The following FLACC1 variants were observed in gnomAD, a reference collection of about 807,000 sequenced individuals.
The protein encoded by FLACC1 is flagellum-associated coiled-coil domain-containing protein 1.
In FLACC1, 66 loss-of-function variants were observed where a neutral mutation model predicts 62.8. The observed-to-expected ratio is 1.05, with a 90% confidence interval of 0.86 to 1.29. The LOEUF is 1.29. FLACC1 is among the 50% of genes most tolerant of loss of function. The pLI is 0.00. For missense variants in FLACC1, 452 were observed against 489.1 expected (o/e 0.92, Z 0.71); for synonymous variants, 156 against 161.0 (o/e 0.97, Z 0.24).
chr2:201,315,609 G>A (rs1020190273), intron 9 of FLACC1, among the ~76,000 whole-genome samples: 11 of 151,874 alleles, frequency 7.2e-5, no homozygotes, highest in African/African-American at 1.7e-4. Context: ...TGATAGTGGC[G>A]GACTTCATTA....
chr2:201,335,519 A>C (rs570451002), intron 7 of FLACC1, among the ~76,000 whole-genome samples: 7 of 152,206 alleles, frequency 4.6e-5, no homozygotes, highest in Non-Finnish European at 7.4e-5. Context: ...ATAGGCCTCT[A>C]TTCTGTTCCA....
chr2:201,323,675 T>C (rs1375882861), intron 9 of FLACC1, among the ~76,000 whole-genome samples: 1 of 150,372 alleles, frequency 6.7e-6, no homozygotes, highest in Non-Finnish European at 1.5e-5. Flanking sequence ...TAATCTCAGC[T>C]ACTTGGGAGG....
At chr2:201,327,879 T>G (rs1206952295) in intron 9 of FLACC1, among the ~76,000 whole-genome samples, 1 of 152,168 alleles carries the variant, frequency 6.6e-6, no homozygotes, top group Admixed American at 6.5e-5. Context: ...AGCAGCACAA[T>G]TCACAGTTGC....
chr2:201,329,284 C>G (rs1950548695), intron 9 of FLACC1, among the ~76,000 whole-genome samples: 1 of 151,864 alleles, frequency 6.6e-6, no homozygotes, highest in Admixed American at 6.6e-5. Flanking sequence ...TATTAAAAAG[C>G]CAAAAAACAA....
chr2:201,289,766 T>C lies in FLACC1; in HGVS notation c.962A>G (p.His321Arg). ...KTKEVMQEEL[H>R]AQALILESLN... The stretch of plus-strand genomic sequence containing the variant: ...TGACTCTAGGATAAGGGCTTGTGCA[T>C]GCAATTCTTCCTGCATGACCTGCAT... The change falls in exon 13 of 15, where the codon CAT becomes CGT. Residue 321 changes from histidine to arginine, a missense_variant. Physicochemically the swap from His to Arg is conservative, Grantham distance 29 (BLOSUM62 0). Transcript: ENST00000392257. 6.2e-7 allele frequency: 1 copy of C among 1,614,210 alleles called. No homozygotes were observed. Among genetic ancestry groups the C allele is most frequent in the Non-Finnish European group, 8.5e-7 (1 of 1,180,038 alleles).
At chr2:201,342,548 A>T in intron 6 of FLACC1, 117 bp from the exon 7 acceptor site, 9 of 952,282 alleles carry the variant, frequency 9.5e-6, no homozygotes, top group Non-Finnish European at 1.5e-5. Flanking sequence ...TTCATGGGGC[A>T]CAGCCCCCTT....
At chr2:201,305,091 A>T (rs1377370148) in intron 11 of FLACC1, among the ~76,000 whole-genome samples, 1 of 152,252 alleles carries the variant, frequency 6.6e-6, no homozygotes, top group Non-Finnish European at 1.5e-5. Flanking sequence ...ATGGGATCTA[A>T]ATAATCTAAA....
At chr2:201,296,937 G>A (rs983616503) in intron 12 of FLACC1, among the ~76,000 whole-genome samples, 20 of 152,192 alleles carry the variant, frequency 1.3e-4, no homozygotes, top group African/African-American at 4.3e-4. Context: ...GAATACTACA[G>A]TCGTGTAGGT....
At chr2:201,289,832 A>C in intron 12 of FLACC1, 47 bp from the exon 13 acceptor site, 1 of 1,613,922 alleles carries the variant, frequency 6.2e-7, no homozygotes, top group Non-Finnish European at 8.5e-7. Flanking sequence ...ATGTCTATTT[A>C]TTTGGTCTCT....
chr2:201,341,083 C>T (rs1027083149), intron 7 of FLACC1, among the ~76,000 whole-genome samples: 1 of 152,048 alleles, frequency 6.6e-6, no homozygotes, highest in Non-Finnish European at 1.5e-5. Flanking sequence ...GTGTACTCAT[C>T]TTTGAGTTTA....
intron 1 of FLACC1, among the ~76,000 whole-genome samples, chr2:201,354,825 T>C (rs1360326918): frequency 7.9e-5 from 12 of 152,116 alleles, no homozygotes; most frequent in Non-Finnish European, 1.8e-4. Flanking sequence ...CTGCCTTCTC[T>C]CTTCTTGAAG....
upstream of FLACC1, among the ~76,000 whole-genome samples, chr2:201,360,122 C>A (rs1387728691): frequency 1.3e-5 from 2 of 152,114 alleles, no homozygotes; most frequent in African/African-American, 2.4e-5. Context: ...TAAAGCTTCG[C>A]CAGTTCCAAA....
Position 201,288,594 on chromosome 2 carries a change from T to A in FLACC1, c.*61A>T. On this transcript the variant is annotated 3_prime_UTR_variant, in exon 15 of 15. Transcript: ENST00000392257. ...TTTCTCAAGAAAACCCTCCCAGGAG[T>A]TTCCTGGGCCTACAGAAATGGTGTG... 6.4e-7 allele frequency: 1 copy of A among 1,572,974 alleles called. No homozygotes were observed.
chr2:201,331,155 G>C (rs1950587083), intron 7 of FLACC1, among the ~76,000 whole-genome samples: 1 of 151,724 alleles, frequency 6.6e-6, no homozygotes, highest in Non-Finnish European at 1.5e-5. Context: ...TTTTTGTAGA[G>C]ACGGGGTCTT....
At chr2:201,332,485 T>C (rs1381798587) in intron 7 of FLACC1, among the ~76,000 whole-genome samples, 1 of 152,136 alleles carries the variant, frequency 6.6e-6, no homozygotes, top group Admixed American at 6.6e-5. Flanking sequence ...TGACCTCAGG[T>C]GATCCACCCA....
chr2:201,350,858 T>A, intron 2 of FLACC1, 76 bp from the exon 3 acceptor site: 1 of 1,318,230 alleles, frequency 7.6e-7, no homozygotes, highest in Non-Finnish European at 1.1e-6. Flanking sequence ...CCAGATTAAG[T>A]ACATCCCTAT....
At chr2:201,322,527 A>G (rs1361161049) in intron 9 of FLACC1, among the ~76,000 whole-genome samples, 1 of 152,204 alleles carries the variant, frequency 6.6e-6, no homozygotes, top group Non-Finnish European at 1.5e-5. Context: ...TATGATAAGC[A>G]TTAAAGTCAC....
At chr2:201,361,425 T>C (rs867743194), upstream of FLACC1, among the ~76,000 whole-genome samples, 11 of 152,332 alleles carry the variant, frequency 7.2e-5, no homozygotes, top group African/African-American at 2.4e-4. Flanking sequence ...ATGAAATATA[T>C]TTTCCAGTGG....
chr2:201,310,210 T>C (rs796803974), intron 9 of FLACC1, among the ~76,000 whole-genome samples: 2 of 152,108 alleles, frequency 1.3e-5, no homozygotes, highest in African/African-American at 4.8e-5. Flanking sequence ...CTATTCTATT[T>C]ACCACTCACA....
Sources: allele counts gnomAD v4.1 joint callset (sites outside exome capture counted in the v4.1 genomes callset), GRCh38; gene constraint gnomAD v4.1.1; transcripts MANE v1.5; gene names NCBI Gene and HGNC (gene_info 2026-07-23, HGNC 2026-07-21).